Variants in ZCCHC2 observed in about 807,000 individuals in gnomAD.
The protein encoded by ZCCHC2 is zinc finger CCHC domain-containing protein 2.
Under a neutral mutation model 103.6 loss-of-function variants are expected in ZCCHC2, and 39 were observed. That is an observed-to-expected ratio of 0.38 (90% CI 0.29 to 0.49). The LOEUF (loss-of-function observed/expected upper bound fraction) is 0.49, where lower values mean the gene tolerates loss of function less well. Ranked by LOEUF, ZCCHC2 falls within the 20% of genes least tolerant of loss-of-function variation. The pLI, the probability that ZCCHC2 is intolerant of heterozygous loss-of-function variation, is 0.96. For synonymous variants in ZCCHC2, 687 were observed against 608.9 expected (o/e 1.13, Z -1.89); for missense variants, 1,483 against 1,491.0 (o/e 0.99, Z 0.09).
At chr18:62,563,701 C>T (rs1916222689) in intron 9 of ZCCHC2, among the ~76,000 whole-genome samples, 1 of 152,084 alleles carries the variant, frequency 6.6e-6, no homozygotes, top group Non-Finnish European at 1.5e-5. Flanking sequence ...AAAATAATAC[C>T]TTCACTGTTT....
intron 4 of ZCCHC2, among the ~76,000 whole-genome samples, 171 bp from the exon 5 acceptor site, chr18:62,550,177 G>A (rs1915602554): frequency 6.6e-6 from 1 of 152,226 alleles, no homozygotes; most frequent in Admixed American, 6.5e-5. Context: ...AGTAGGAAAG[G>A]TCTGTGCTGC....
intron 12 of ZCCHC2, among the ~76,000 whole-genome samples, chr18:62,570,445 C>G (rs1365554321): frequency 6.6e-6 from 1 of 152,288 alleles, no homozygotes; most frequent in East Asian, 1.9e-4. Flanking sequence ...ACATATTTCA[C>G]TGCATATGAA....
chr18:62,550,299 C>G (rs773701265), intron 4 of ZCCHC2, 49 bp from the exon 5 acceptor site: 1 of 1,353,822 alleles, frequency 7.4e-7, no homozygotes, highest in Middle Eastern at 1.8e-4. Flanking sequence ...AACATCTTTA[C>G]CAGTAAGTGA....
chr18:62,524,309 C>G lies in ZCCHC2; in HGVS notation c.885C>G (p.Pro295=), dbSNP rs1351815380. 4 of 1,548,152 alleles carry G rather than the reference C, an allele frequency of 2.6e-6. No homozygotes were observed. Among genetic ancestry groups the G allele is most frequent in the South Asian group, 1.2e-5 (1 of 83,944 alleles). The change falls in exon 1 of 14, where the codon CCC becomes CCG. Residue 295 remains proline, a synonymous_variant. Coordinates refer to ENST00000269499, the MANE Select transcript of ZCCHC2 (RefSeq NM_017742.6). The stretch of plus-strand genomic sequence containing the variant: ...TCCGCGCCGCGCTCCGCGGGGGCCC[C>G]GAGGACGCGGAGGTGGAGGTAGAGC... ...ERLRAALRGG[P]EDAEVEVEPC... is the part of the protein sequence containing the mutation.
chr18:62,578,653 G>A (rs1916952776), downstream of ZCCHC2: 1 of 152,462 alleles, frequency 6.6e-6, no homozygotes, highest in Admixed American at 6.5e-5. Flanking sequence ...TTTTTTTAAA[G>A]TTTTATTTAG....
intron 5 of ZCCHC2, among the ~76,000 whole-genome samples, chr18:62,554,973 C>G (rs1028349975): frequency 6.6e-6 from 1 of 152,088 alleles, no homozygotes; most frequent in Admixed American, 6.5e-5. Context: ...AATAATAGGT[C>G]AAAAACCTTG....
chr18:62,569,108 A>G (rs1360669339), intron 11 of ZCCHC2, among the ~76,000 whole-genome samples: 1 of 152,234 alleles, frequency 6.6e-6, no homozygotes, highest in African/African-American at 2.4e-5. Context: ...ATTTAGCAAC[A>G]TCAACATTCC....
At position 62,570,171 on chromosome 18, in the gene ZCCHC2, C is replaced by T. The variant is rs1417384728; in HGVS notation, c.1915C>T (p.Pro639Ser). The T allele has an allele frequency of 6.2e-7, 1 of 1,612,234 alleles. No individual in the cohort carries two copies. The highest frequency in any genetic ancestry group is 8.5e-7 in the Non-Finnish European group (1 of 1,179,100). Residue 639 changes from proline to serine, a missense_variant, in exon 12 of 14, where the codon CCA (proline) becomes TCA (serine). Transcript: ENST00000269499. Reference sequence around the variant, plus strand: ...AACATCTTCAGAGAGTTACAGTTCTCCATCTAGTCCCCGACATGATGGAAG... The same window carrying T: ...AACATCTTCAGAGAGTTACAGTTCTTCATCTAGTCCCCGACATGATGGAAG... ...GETSSESYSS[P>S]SSPRHDGRES...
intron 8 of ZCCHC2, among the ~76,000 whole-genome samples, chr18:62,562,134 C>T (rs1008384996): frequency 1.3e-5 from 2 of 151,926 alleles, no homozygotes; most frequent in South Asian, 4.1e-4. Flanking sequence ...GTAGCTGGAA[C>T]TACAGGCACC....
At chr18:62,585,133 G>A (rs1917138809) in exon 15 of ZCCHC2, 1 of 152,260 alleles carries the variant, frequency 6.6e-6, no homozygotes, top group Non-Finnish European at 1.5e-5. Flanking sequence ...TGTTTCCAGA[G>A]AAATATCCAG....
intron 1 of ZCCHC2, among the ~76,000 whole-genome samples, chr18:62,537,664 TTTTG>T (rs1217198155): frequency 2.0e-5 from 3 of 152,368 alleles, no homozygotes; most frequent in Middle Eastern, 3.4e-3. Flanking sequence ...GTACACCATA[TTTTG>T]TTTATCTGTT....
intron 4 of ZCCHC2, among the ~76,000 whole-genome samples, chr18:62,549,722 A>AT (rs1264896010): frequency 1.3e-5 from 2 of 152,194 alleles, no homozygotes; most frequent in African/African-American, 2.4e-5. Context: ...CCAAGTGTTG[A>AT]TTTTTTTGTG....
In ZCCHC2 at chr18:62,576,472, G is replaced by T. The variant is rs186598463; in HGVS notation, c.3470-40G>T. 447 of 1,564,248 alleles carry T rather than the reference G, an allele frequency of 2.9e-4. 2 individuals are homozygous for T. The highest frequency in any genetic ancestry group is 8.0e-5 in the Non-Finnish European group (91 of 1,136,520). On this transcript the variant is annotated intron_variant, in intron 13 of 13. Transcript: ENST00000269499. ...TACGTAGTGGTTTGTGATGACGTTT[G>T]CTTGTAAGCGGTGACTTAGTTCTGT...
rs200762977 is a variant in ZCCHC2, at chr18:62,544,896, A to G, written c.1200+23A>G. 3 of 1,502,476 alleles carry G rather than the reference A, an allele frequency of 2.0e-6. No homozygotes were observed. The East Asian group carries it at 7.6e-5, about 38-fold the overall frequency. 93.1% of individuals were successfully genotyped at this position (1,502,476 alleles called of 1,614,324 possible). A position where few individuals can be genotyped will look rare whatever the true frequency, so the allele number is the denominator to read the frequency against. On this transcript the variant is annotated intron_variant, in intron 4 of 13. Transcript: ENST00000269499. Reference sequence around the variant, plus strand: ...AAGGTAAAATATAGATTTTGTTGTTAAAATGATTTTTATATAATATACAGA... The same window carrying G: ...AAGGTAAAATATAGATTTTGTTGTTGAAATGATTTTTATATAATATACAGA...
At chr18:62,524,418 T>C (rs1914250856) in intron 1 of ZCCHC2, 55 bp downstream of exon 1, 2 of 1,423,042 alleles carry the variant, frequency 1.4e-6, no homozygotes, top group Non-Finnish European at 1.8e-6. Flanking sequence ...CCCGGCGGCC[T>C]CCCCGGCCTC....
chr18:62,553,855 T>A (rs892418603), intron 5 of ZCCHC2, among the ~76,000 whole-genome samples: 1 of 152,228 alleles, frequency 6.6e-6, no homozygotes, highest in Non-Finnish European at 1.5e-5. Flanking sequence ...TGTCACTGAT[T>A]GGAAGAGTTA....
At chr18:62,583,891 A>C (rs561330475) in intron 14 of ZCCHC2, among the ~76,000 whole-genome samples, 3 of 151,942 alleles carry the variant, frequency 2.0e-5, no homozygotes, top group African/African-American at 7.2e-5. Context: ...GGGTGGAGGG[A>C]ATGTTTTAAC....
At chr18:62,550,007 A>G (rs1352067888) in intron 4 of ZCCHC2, among the ~76,000 whole-genome samples, 1 of 152,146 alleles carries the variant, frequency 6.6e-6, no homozygotes, top group Non-Finnish European at 1.5e-5. Context: ...CTTCACCTTA[A>G]CTCGAGAACC....
intron 1 of ZCCHC2, among the ~76,000 whole-genome samples, chr18:62,537,333 C>CA (rs76787196): frequency 1.3e-3 from 182 of 144,736 alleles, no homozygotes; most frequent in African/African-American, 2.4e-3. Context: ...TTCTGGCTAA[C>CA]AAAAAAAAAA....
Sources: allele counts gnomAD v4.1 joint callset (sites outside exome capture counted in the v4.1 genomes callset), GRCh38; gene constraint gnomAD v4.1.1; transcripts MANE v1.5; gene names NCBI Gene and HGNC (gene_info 2026-07-23, HGNC 2026-07-21).